Variants in TLE4 observed in about 807,000 individuals in gnomAD.
The protein encoded by TLE4 is TLE family member 4, transcriptional corepressor, also known as transducin-like enhancer protein 4.
A neutral mutation model predicts 92.8 loss-of-function variants in TLE4; 8 were observed. That is an observed-to-expected ratio of 0.09 (90% CI 0.05 to 0.16). The LOEUF (loss-of-function observed/expected upper bound fraction) is 0.16, where lower values mean the gene tolerates loss of function less well. Ranked by LOEUF, TLE4 falls within the 10% of genes least tolerant of loss-of-function variation. The pLI is 1.00. For missense variants in TLE4, 675 were observed against 997.6 expected (o/e 0.68, Z 4.36); for synonymous variants, 371 against 374.1 (o/e 0.99, Z 0.10).
At chr9:79,711,462 T>C (rs1028464578) in intron 14 of TLE4, among the ~76,000 whole-genome samples, 7 of 152,170 alleles carry the variant, frequency 4.6e-5, no homozygotes, top group Non-Finnish European at 7.3e-5. Flanking sequence ...ACAAGTTCCA[T>C]ATGAACTTGT....
intron 5 of TLE4, among the ~76,000 whole-genome samples, chr9:79,624,815 G>A (rs1358752030): frequency 6.6e-6 from 1 of 152,218 alleles, no homozygotes; most frequent in Middle Eastern, 3.4e-3. Flanking sequence ...CCATATCTCC[G>A]TCTCATGGAA....
At chr9:79,584,316 C>T (rs959400211) in intron 4 of TLE4, among the ~76,000 whole-genome samples, 1 of 152,210 alleles carries the variant, frequency 6.6e-6, no homozygotes, top group African/African-American at 2.4e-5. Context: ...CAGCTCCTCC[C>T]TCCCCTCCCT....
chr9:79,620,791 G>C (rs1435606331), intron 5 of TLE4, among the ~76,000 whole-genome samples: 1 of 152,200 alleles, frequency 6.6e-6, no homozygotes, highest in Non-Finnish European at 1.5e-5. Flanking sequence ...TCTGTAGGCT[G>C]CACAAGCATG....
chr9:79,693,967 G>A (rs1178358361), intron 8 of TLE4, among the ~76,000 whole-genome samples: 6 of 152,116 alleles, frequency 3.9e-5, no homozygotes, highest in African/African-American at 7.2e-5. Context: ...ACTGAGTAGC[G>A]CTGTAGTGAT....
intron 8 of TLE4, among the ~76,000 whole-genome samples, chr9:79,691,312 G>A (rs1211242724): frequency 1.3e-5 from 2 of 152,178 alleles, no homozygotes; most frequent in African/African-American, 4.8e-5. Flanking sequence ...TTTGAAACCA[G>A]AATTCTACTA....
chr9:79,653,033 T>G (rs1284709920), intron 7 of TLE4: 1 of 566,212 alleles, frequency 1.8e-6, no homozygotes, highest in African/African-American at 1.8e-5. Context: ...TTGCCTTTGA[T>G]TTCTTGCTAC....
At chr9:79,574,741 T>C (rs1244905134) in intron 2 of TLE4, 132 bp from the exon 3 acceptor site, 1 of 698,858 alleles carries the variant, frequency 1.4e-6, no homozygotes, top group Non-Finnish European at 2.4e-6. Context: ...CCCTTCCCTT[T>C]CCATAATGAT....
chr9:79,600,610 C>T (rs747225832), intron 4 of TLE4, among the ~76,000 whole-genome samples: 25 of 152,108 alleles, frequency 1.6e-4, no homozygotes, highest in Non-Finnish European at 1.8e-4. Flanking sequence ...TATCAGAATC[C>T]GTATGTGGAA....
chr9:79,699,200 A>G (rs1347246871), intron 8 of TLE4, among the ~76,000 whole-genome samples: 1 of 152,084 alleles, frequency 6.6e-6, no homozygotes, highest in East Asian at 1.9e-4. Context: ...TATTTTTGAC[A>G]TGGGTCTTTT....
At chr9:79,627,153 G>T (rs1401286711) in intron 5 of TLE4, among the ~76,000 whole-genome samples, 1 of 152,106 alleles carries the variant, frequency 6.6e-6, no homozygotes, top group East Asian at 1.9e-4. Context: ...GGGTCACAGA[G>T]ATGGTACCTG....
chr9:79,716,052 T>C (rs2074432001), intron 14 of TLE4, among the ~76,000 whole-genome samples: 1 of 152,210 alleles, frequency 6.6e-6, no homozygotes, highest in Non-Finnish European at 1.5e-5. Flanking sequence ...CACTCCATTC[T>C]TCACCCAGCA....
chr9:79,654,149 A>T, intron 8 of TLE4, 74 bp downstream of exon 8: 3 of 1,425,020 alleles, frequency 2.1e-6, no homozygotes, highest in Non-Finnish European at 3.0e-6. Context: ...CTAGTAAAGA[A>T]TTCTTTGAGA....
intron 13 of TLE4, among the ~76,000 whole-genome samples, chr9:79,709,278 T>A (rs2072608114): frequency 6.6e-6 from 1 of 152,320 alleles, no homozygotes; most frequent in Non-Finnish European, 1.5e-5. Context: ...TATGTCTTTT[T>A]AAAAGAATAC....
intron 4 of TLE4, among the ~76,000 whole-genome samples, chr9:79,602,479 G>A (rs1022078121): frequency 6.6e-6 from 1 of 152,262 alleles, no homozygotes; most frequent in South Asian, 2.1e-4. Context: ...AAAAATCCTA[G>A]CGCCTCTAAG....
intron 8 of TLE4, among the ~76,000 whole-genome samples, chr9:79,673,699 G>A (rs2062786849): frequency 6.6e-6 from 1 of 152,088 alleles, no homozygotes; most frequent in Non-Finnish European, 1.5e-5. Context: ...ATTTAACAGA[G>A]TAATTTCCCC....
intron 4 of TLE4, among the ~76,000 whole-genome samples, chr9:79,596,806 A>G (rs2044146184): frequency 6.6e-6 from 1 of 152,116 alleles, no homozygotes; most frequent in South Asian, 2.1e-4. Flanking sequence ...CATTCTTCCC[A>G]TTTCATGATT....
At chr9:79,619,944 C>G (rs1210409230) in intron 5 of TLE4, among the ~76,000 whole-genome samples, 3 of 152,204 alleles carry the variant, frequency 2.0e-5, no homozygotes, top group Non-Finnish European at 2.9e-5. Flanking sequence ...GCTTGCTGTA[C>G]CTGACCATGT....
rs544627959 is a variant in TLE4, at chr9:79,717,581, G to A, written c.1341-1141G>A. 2.0e-5 allele frequency among the ~76,000 whole-genome samples: 3 copies of A among 152,238 alleles called. No individual in the cohort carries two copies. In the East Asian group the frequency reaches 5.8e-4, roughly 29 times the overall value. ...TTCTGGGAGCATTCAGGTAGTTGAGGACCATTCAATAATGGACTGAATTTT... is the reference window on the plus strand; with the variant it reads ...TTCTGGGAGCATTCAGGTAGTTGAGAACCATTCAATAATGGACTGAATTTT... On this transcript the variant is annotated intron_variant, in intron 14 of 19. Transcript: ENST00000376552.
At chr9:79,632,995 C>T (rs2054712287) in intron 6 of TLE4, among the ~76,000 whole-genome samples, 2 of 152,194 alleles carry the variant, frequency 1.3e-5, no homozygotes, top group Non-Finnish European at 1.5e-5. Flanking sequence ...AGCAGTTTTA[C>T]ATCACATTCT....
Sources: gnomAD v4.1 joint callset for allele counts (sites outside exome capture counted in the v4.1 genomes callset) on GRCh38, gnomAD v4.1.1 for gene constraint, MANE v1.5 for transcripts, NCBI Gene and HGNC (gene_info 2026-07-23, HGNC 2026-07-21) for gene names.